Variants in BBX observed in about 807,000 individuals in gnomAD.
BBX encodes HMG box transcription factor BBX.
A neutral mutation model predicts 100.2 loss-of-function variants in BBX; 30 were observed. The ratio of observed to expected loss-of-function variants is 0.30; its 90% CI spans 0.22 to 0.41. The LOEUF is 0.41. Ranked by LOEUF, BBX falls within the 10% of genes least tolerant of loss-of-function variation. The pLI is 1.00. For missense variants in BBX, 1,023 were observed against 1,129.8 expected, an observed-to-expected ratio of 0.91 and a Z score of 1.35; for synonymous variants, 376 against 388.1, an observed-to-expected ratio of 0.97 and a Z score of 0.37.
At chr3:107,585,881 A>T (rs2052796931) in intron 2 of BBX, among the ~76,000 whole-genome samples, 1 of 152,170 alleles carries the variant, frequency 6.6e-6, no homozygotes, top group Non-Finnish European at 1.5e-5. Flanking sequence ...TTCAGAAAAA[A>T]GGTCAGTGAC....
intron 3 of BBX, among the ~76,000 whole-genome samples, chr3:107,673,346 G>A (rs911426990): frequency 3.3e-5 from 5 of 152,108 alleles, no homozygotes; most frequent in Non-Finnish European, 5.9e-5. Flanking sequence ...TTGGGGTATG[G>A]TAGTAAGTTT....
intron 9 of BBX, among the ~76,000 whole-genome samples, chr3:107,753,888 G>C (rs2065264579): frequency 6.6e-6 from 1 of 152,146 alleles, no homozygotes; most frequent in Non-Finnish European, 1.5e-5. Context: ...CAATTTCAGT[G>C]TTTAAGTAAT....
intron 2 of BBX, among the ~76,000 whole-genome samples, chr3:107,538,713 G>A (rs2048673172): frequency 6.6e-6 from 1 of 151,954 alleles, no homozygotes; most frequent in Non-Finnish European, 1.5e-5. Context: ...ACTAATCAAT[G>A]GTCTATAAAG....
intron 4 of BBX, chr3:107,711,289 T>G (rs1423136191): frequency 2.1e-6 from 1 of 470,846 alleles, no homozygotes. Flanking sequence ...GAATAGAAGC[T>G]CAGTATAAGA....
At chr3:107,758,735 C>A (rs544195065) in intron 10 of BBX, among the ~76,000 whole-genome samples, 3 of 152,240 alleles carry the variant, frequency 2.0e-5, no homozygotes, top group African/African-American at 7.2e-5. Context: ...CCTGTGACAT[C>A]CCCTGAGAAT....
rs771614586 is a variant in BBX, at chr3:107,773,296, G to A, written c.1575G>A (p.Lys525=). 1.2e-6 allele frequency: 2 copies of A among 1,614,032 alleles called. No homozygotes were observed. Among genetic ancestry groups the A allele is most frequent in the Non-Finnish European group, 1.7e-6 (2 of 1,179,966 alleles). ...SSGKGSILDA[K]PPKKKVKSRE... ...GCAAGGGAAGCATTTTGGATGCCAA[G>A]CCACCAAAGAAAAAAGTGAAATCAA... The change falls in exon 11 of 18, where the codon AAG becomes AAA. Residue 525 remains lysine (K), a synonymous_variant. Coordinates refer to ENST00000325805, the MANE Select transcript of BBX (RefSeq NM_001142568.3). The surrounding 1 kb of genome is among the most constrained non-coding windows in gnomAD (Gnocchi z 4.1).
intron 2 of BBX, among the ~76,000 whole-genome samples, chr3:107,645,068 C>G (rs1408969311): frequency 6.6e-6 from 1 of 152,100 alleles, no homozygotes; most frequent in Admixed American, 6.6e-5. Context: ...CATAATCTGC[C>G]TAGAGCAGGG....
rs143637108 is a variant in BBX, at chr3:107,655,349, G to C, written c.-10+9440G>C. ...TGCTACCTGCTATTAGTATTAACAA[G>C]ATTATCAGCCCAAACTATGTCAATT... is the stretch of plus-strand genomic sequence containing the variant. On this transcript the variant is annotated intron_variant, in intron 3 of 17. Transcript: ENST00000325805. Among the ~76,000 whole-genome samples, 62 of 152,078 alleles carry C rather than the reference G, an allele frequency of 4.1e-4. No homozygotes were observed. The East Asian group carries it at 0.012, about 29-fold the overall frequency.
rs2067000960 is a variant in BBX at position 107,772,670 on chromosome 3, C to A, written c.949C>A (p.Leu317Ile). 6.3e-7 allele frequency: 1 copy of A among 1,597,052 alleles called. No individual in the cohort carries two copies. Among genetic ancestry groups the A allele is most frequent in the African/African-American group, 1.4e-5 (1 of 73,188 alleles). Reference protein sequence around the residue: ...SEGMKMEESKLIKAKESDGGR... With the variant: ...SEGMKMEESKIIKAKESDGGR... ...AGGGATGAAAATGGAAGAATCAAAG[C>A]TAATAAAAGCAAAAGAATCCGATGG... Residue 317 changes from leucine to isoleucine, a missense_variant, in exon 11 of 18, where the codon CTA (leucine) becomes ATA (isoleucine). Around this residue, in one of 9 missense-constraint regions of BBX, gnomAD observed 348 missense variants for 353.2 expected, o/e 0.99. Coordinates refer to ENST00000325805, the MANE Select transcript of BBX (RefSeq NM_001142568.3).
chr3:107,700,410 TCA>T (rs1491310053), intron 3 of BBX, among the ~76,000 whole-genome samples: 878 of 25,198 alleles, frequency 0.035, 6 homozygotes, highest in Middle Eastern at 0.11. Flanking sequence ...TTTTCTTTCA[TCA>T]TCATTATTAT....
chr3:107,529,156 C>G (rs1415360095), intron 2 of BBX, among the ~76,000 whole-genome samples: 1 of 152,180 alleles, frequency 6.6e-6, no homozygotes, highest in East Asian at 1.9e-4. Context: ...ATCAAATGCT[C>G]CAAATTACTA....
intron 2 of BBX, among the ~76,000 whole-genome samples, chr3:107,564,836 C>G (rs892605085): frequency 6.6e-6 from 1 of 152,084 alleles, no homozygotes; most frequent in Non-Finnish European, 1.5e-5. Flanking sequence ...CTTGAATATT[C>G]ATTCTTCCAA....
intron 2 of BBX, among the ~76,000 whole-genome samples, chr3:107,544,997 C>T (rs2049125442): frequency 6.6e-6 from 1 of 150,832 alleles, no homozygotes; most frequent in African/African-American, 2.4e-5. Context: ...GCCTGGGCAA[C>T]AGAGCGAGAC....
At chr3:107,526,286 C>G (rs1029563614) in intron 1 of BBX, 41 bp from the exon 2 acceptor site, 1 of 398,396 alleles carries the variant, frequency 2.5e-6, no homozygotes, top group South Asian at 1.3e-4. Context: ...ATTGTAAAGC[C>G]CTACTATACT....
At chr3:107,785,780 T>C (rs1412323534) in intron 13 of BBX, among the ~76,000 whole-genome samples, 1 of 152,022 alleles carries the variant, frequency 6.6e-6, no homozygotes, top group Non-Finnish European at 1.5e-5. Context: ...AATACAAGAA[T>C]ATCCACTCTC....
At chr3:107,544,380 A>G (rs140545602) in intron 2 of BBX, among the ~76,000 whole-genome samples, 35 of 152,316 alleles carry the variant, frequency 2.3e-4, no homozygotes, top group African/African-American at 8.2e-4. Context: ...GCTGATGTGA[A>G]TGGCATCTCT....
chr3:107,627,833 G>A (rs1240922343), intron 2 of BBX, among the ~76,000 whole-genome samples: 1 of 151,766 alleles, frequency 6.6e-6, no homozygotes, highest in Non-Finnish European at 1.5e-5. Flanking sequence ...CTTATTTAAT[G>A]TTTTTCTCTA....
In BBX at chr3:107,806,712, A is replaced by G. The variant is rs1214999544; in HGVS notation, c.*1255A>G. 6.6e-6 allele frequency: 1 copy of G among 152,230 alleles called. No individual in the cohort carries two copies. Among genetic ancestry groups the G allele is most frequent in the African/African-American group, 2.4e-5 (1 of 41,456 alleles). 9.4% of individuals were successfully genotyped at this position (152,230 alleles called of 1,614,324 possible). ...TGGATTAACTGGCTTAGAACATTCA[A>G]CATATTGACTTAACCACCTGACATT... On this transcript the variant is annotated 3_prime_UTR_variant, in exon 18 of 18. Coordinates refer to ENST00000325805, the MANE Select transcript of BBX (RefSeq NM_001142568.3).
intron 7 of BBX, among the ~76,000 whole-genome samples, chr3:107,738,166 C>T (rs1220956153): frequency 1.3e-5 from 2 of 151,918 alleles, no homozygotes; most frequent in Non-Finnish European, 2.9e-5. Flanking sequence ...ATTCAATTCT[C>T]TGTTTATTCT....
Sources: gnomAD v4.1 joint callset for allele counts (sites outside exome capture counted in the v4.1 genomes callset) on GRCh38, gnomAD v4.1.1 for gene constraint, gnomAD v4.1.1 regional missense constraint, Gnocchi (gnomAD v3.1) non-coding constraint, MANE v1.5 for transcripts, NCBI Gene and HGNC (gene_info 2026-07-23, HGNC 2026-07-21) for gene names.